Variants in CCBE1 observed in about 807,000 individuals in gnomAD.
CCBE1 encodes collagen and calcium-binding EGF domain-containing protein 1.
In CCBE1, 37 loss-of-function variants were observed where a neutral mutation model predicts 50.0. The observed-to-expected ratio is 0.74, with a 90% confidence interval of 0.57 to 0.97. The LOEUF is 0.97. CCBE1 is among the 50% of genes least tolerant of loss of function. The pLI is 0.00. For synonymous variants in CCBE1, 234 were observed against 203.7 expected (o/e 1.15, Z -1.27); for missense variants, 538 against 523.8 (o/e 1.03, Z -0.26).
intron 2 of CCBE1, among the ~76,000 whole-genome samples, chr18:59,485,767 C>T (rs1187569001): frequency 2.6e-5 from 4 of 152,074 alleles, no homozygotes; most frequent in African/African-American, 4.8e-5. Flanking sequence ...CCTGCCACCA[C>T]GCTCAGCTTA....
In CCBE1 at chr18:59,492,106, C is replaced by T. The variant is rs1177636630; in HGVS notation, c.213-11868G>A. On this transcript the variant is annotated intron_variant, in intron 2 of 10. Coordinates refer to ENST00000439986, the MANE Select transcript of CCBE1 (RefSeq NM_133459.4). The stretch of plus-strand genomic sequence containing the variant: ...GTTGCAGTGGGCCAAGATTGTGCCA[C>T]TGCACTCCAGCCTGGGCAACAGAGT... Among the ~76,000 whole-genome samples the T allele has an allele frequency of 4.5e-5, 6 of 133,116 alleles. No individual in the cohort carries two copies. In the East Asian group the frequency reaches 1.3e-3, roughly 28 times the overall value. The allele number at this position is 133,116 out of a possible 152,430, so 87.3% of individuals were successfully genotyped here. A position where few individuals can be genotyped will look rare whatever the true frequency, so the allele number is the denominator to read the frequency against.
At chr18:59,575,520 A>G (rs1252048139) in intron 2 of CCBE1, among the ~76,000 whole-genome samples, 1 of 152,228 alleles carries the variant, frequency 6.6e-6, no homozygotes, top group Non-Finnish European at 1.5e-5. Flanking sequence ...TTTTGATACT[A>G]GAAATTAATA....
chr18:59,644,365 G>T (rs1031223453), intron 2 of CCBE1, among the ~76,000 whole-genome samples: 4 of 152,122 alleles, frequency 2.6e-5, no homozygotes, highest in Admixed American at 6.5e-5. Flanking sequence ...AGATACACTG[G>T]CCTGGCTCAC....
chr18:59,476,668 G>C (rs1312945024), intron 3 of CCBE1, among the ~76,000 whole-genome samples: 2 of 152,232 alleles, frequency 1.3e-5, no homozygotes, highest in African/African-American at 2.4e-5. Context: ...CAGCAAATAC[G>C]AGGCAGCAAC....
intron 2 of CCBE1, among the ~76,000 whole-genome samples, chr18:59,565,825 G>C (rs1390179366): frequency 6.6e-6 from 1 of 151,826 alleles, no homozygotes; most frequent in Non-Finnish European, 1.5e-5. Context: ...ACACTGCTGG[G>C]TTTTCAAGCT....
rs1911517694 is a variant in CCBE1, at chr18:59,462,227, T to C, written c.553+4512A>G. Among the ~76,000 whole-genome samples, 3 of 152,186 alleles carry C rather than the reference T, an allele frequency of 2.0e-5. No homozygotes were observed. In the South Asian group the frequency reaches 6.2e-4, roughly 32 times the overall value. The stretch of plus-strand genomic sequence containing the variant: ...GCAGTCTACAGAAAACACTCCTCTC[T>C]GGACTCCGGCCGCTTCATCTGCTGA... On this transcript the variant is annotated intron_variant, in intron 5 of 10. Coordinates refer to ENST00000439986, the MANE Select transcript of CCBE1 (RefSeq NM_133459.4).
At chr18:59,550,083 C>T (rs992954034) in intron 2 of CCBE1, among the ~76,000 whole-genome samples, 3 of 152,152 alleles carry the variant, frequency 2.0e-5, no homozygotes, top group African/African-American at 7.2e-5. Flanking sequence ...CTTTGTTTAT[C>T]CCCAGCTTTA....
intron 2 of CCBE1, among the ~76,000 whole-genome samples, chr18:59,496,941 C>T (rs988730358): frequency 9.9e-5 from 15 of 152,196 alleles, no homozygotes; most frequent in African/African-American, 3.6e-4. Flanking sequence ...GGGCTTGATT[C>T]TACCACTTGC....
intron 5 of CCBE1, among the ~76,000 whole-genome samples, chr18:59,456,092 T>G: frequency 6.6e-6 from 1 of 152,160 alleles, no homozygotes; most frequent in East Asian, 1.9e-4. Context: ...AAGCCTGCTC[T>G]CTACCCACGG....
At chr18:59,473,351 C>G (rs185160835) in intron 3 of CCBE1, among the ~76,000 whole-genome samples, 139 of 152,220 alleles carry the variant, frequency 9.1e-4, no homozygotes, top group African/African-American at 3.2e-3. Flanking sequence ...GATTCAAACT[C>G]TTGAGCTTTT....
rs557050528 is a variant in CCBE1, at chr18:59,680,875, A to T, written c.212+15754T>A. Among the ~76,000 whole-genome samples the T allele has an allele frequency of 2.6e-5, 4 of 152,244 alleles. No individual in the cohort carries two copies. In the South Asian group the frequency reaches 8.3e-4, roughly 32 times the overall value. On this transcript the variant is annotated intron_variant, in intron 2 of 10. Transcript: ENST00000439986. ...GATTAACTTGCAAGCAGGAGAAAGAAGGAATCAAACTTCAAACCAGCGGCC... is the reference window on the plus strand; with the variant it reads ...GATTAACTTGCAAGCAGGAGAAAGATGGAATCAAACTTCAAACCAGCGGCC...
intron 3 of CCBE1, among the ~76,000 whole-genome samples, chr18:59,475,235 A>G (rs775086077): frequency 1.3e-5 from 2 of 152,224 alleles, no homozygotes; most frequent in Non-Finnish European, 2.9e-5. Flanking sequence ...TCATCCCAAG[A>G]TTCTTACCAT....
At chr18:59,555,539 T>A (rs1414376269) in intron 2 of CCBE1, among the ~76,000 whole-genome samples, 1 of 152,170 alleles carries the variant, frequency 6.6e-6, no homozygotes, top group East Asian at 1.9e-4. Flanking sequence ...CCATGCAGTT[T>A]CCTTAGAAAA....
At chr18:59,689,576 A>C (rs1354237171) in intron 2 of CCBE1, among the ~76,000 whole-genome samples, 1 of 152,210 alleles carries the variant, frequency 6.6e-6, no homozygotes, top group African/African-American at 2.4e-5. Flanking sequence ...CTGTTCAAGA[A>C]GTGTCACATA....
intron 2 of CCBE1, among the ~76,000 whole-genome samples, chr18:59,481,079 A>G (rs1314677973): frequency 6.6e-6 from 1 of 152,232 alleles, no homozygotes; most frequent in Non-Finnish European, 1.5e-5. Flanking sequence ...ACTATGTTCA[A>G]CTACATAAAG....
chr18:59,696,356 TCA>T, intron 2 of CCBE1: 1 of 737,876 alleles, frequency 1.4e-6, no homozygotes, highest in South Asian at 1.9e-5. Context: ...CCAATCTCCT[TCA>T]CAGACTTCCA....
At chr18:59,580,641 G>A (rs780043367) in intron 2 of CCBE1, among the ~76,000 whole-genome samples, 19 of 152,232 alleles carry the variant, frequency 1.2e-4, no homozygotes, top group Non-Finnish European at 2.4e-4. Context: ...TCCCCAAAAT[G>A]TAAAGCGACT....
chr18:59,460,154 A>T (rs1229092413), intron 5 of CCBE1, among the ~76,000 whole-genome samples: 3 of 152,238 alleles, frequency 2.0e-5, no homozygotes, highest in African/African-American at 7.2e-5. Context: ...CTGAATGTCC[A>T]TTAGCCAGAC....
At chr18:59,543,533 A>T (rs1279092883) in intron 2 of CCBE1, among the ~76,000 whole-genome samples, 2 of 152,024 alleles carry the variant, frequency 1.3e-5, no homozygotes, top group Admixed American at 6.5e-5. Flanking sequence ...CTAATGCGAG[A>T]GGCCGCGAGA....
Sources: gnomAD v4.1 joint callset for allele counts (sites outside exome capture counted in the v4.1 genomes callset) on GRCh38, gnomAD v4.1.1 for gene constraint, MANE v1.5 for transcripts, NCBI Gene and HGNC (gene_info 2026-07-23, HGNC 2026-07-21) for gene names.